The following PDE4D variants were observed in gnomAD, a reference collection of about 807,000 sequenced individuals.
The protein encoded by PDE4D is phosphodiesterase 4D, also known as 3',5'-cyclic-AMP phosphodiesterase 4D.
Under a neutral mutation model 87.4 loss-of-function variants are expected in PDE4D, and 24 were observed. That is an observed-to-expected ratio of 0.27 (90% confidence interval 0.20 to 0.39). The LOEUF is 0.39. PDE4D is among the 10% of genes least tolerant of loss of function. The probability of loss-of-function intolerance (pLI) is 1.00; values close to 1 mark genes in which losing one functional copy is unlikely to be tolerated. For missense variants in PDE4D, 714 were observed against 1,041.0 expected (o/e 0.69, Z 4.32); for synonymous variants, 384 against 383.2 (o/e 1.00, Z -0.02).
At chr5:60,027,318 A>T (rs1009769682) in intron 2 of PDE4D, among the ~76,000 whole-genome samples, 1 of 152,198 alleles carries the variant, frequency 6.6e-6, no homozygotes, top group African/African-American at 2.4e-5. Context: ...AAGTGAGAAC[A>T]TGAGGTATTT....
chr5:59,115,068 G>A (rs1164777008), intron 5 of PDE4D, among the ~76,000 whole-genome samples: 1 of 150,322 alleles, frequency 6.7e-6, no homozygotes. Context: ...AAAGAAAGAG[G>A]GAGAAGGGGC....
chr5:59,684,233 G>A (rs927346693), intron 1 of PDE4D, among the ~76,000 whole-genome samples: 2 of 151,866 alleles, frequency 1.3e-5, no homozygotes, highest in Non-Finnish European at 2.9e-5. Flanking sequence ...TCCTTCTTCT[G>A]TCTCCTCATA....
intron 1 of PDE4D, among the ~76,000 whole-genome samples, chr5:59,677,056 A>G (rs189512258): frequency 1.4e-3 from 210 of 152,194 alleles, no homozygotes; most frequent in African/African-American, 4.9e-3. Context: ...CTTTAAAAGG[A>G]AAAAAAGAGA....
intron 1 of PDE4D, among the ~76,000 whole-genome samples, chr5:59,645,905 A>T (rs567998678): frequency 6.6e-6 from 1 of 152,332 alleles, no homozygotes; most frequent in African/African-American, 2.4e-5. Context: ...AAAATGACAG[A>T]TTACAATCAA....
intron 1 of PDE4D, among the ~76,000 whole-genome samples, chr5:60,233,090 A>T (rs532428035): frequency 1.3e-5 from 2 of 151,714 alleles, no homozygotes; most frequent in Non-Finnish European, 2.9e-5. Context: ...GTGAAATCTC[A>T]TGGGAATAAG....
intron 1 of PDE4D, among the ~76,000 whole-genome samples, chr5:59,845,717 G>T (rs1248438903): frequency 6.6e-6 from 1 of 152,076 alleles, no homozygotes; most frequent in African/African-American, 2.4e-5. Flanking sequence ...TAATTCATGT[G>T]TGCATTAGCT....
At chr5:59,427,329 ACAC>A (rs1562167996) in intron 1 of PDE4D, among the ~76,000 whole-genome samples, 2 of 150,516 alleles carry the variant, frequency 1.3e-5, no homozygotes, top group African/African-American at 4.9e-5. Flanking sequence ...ACACACACAC[ACAC>A]ACACACGCCC....
At chr5:60,329,996 C>T (rs1259344412) in intron 1 of PDE4D, among the ~76,000 whole-genome samples, 10 of 152,106 alleles carry the variant, frequency 6.6e-5, no homozygotes, top group South Asian at 4.1e-4. Flanking sequence ...GTGGGCAAAA[C>T]CATTTGCTTA....
chr5:60,450,753 T>C (rs1258349643), intron 1 of PDE4D, among the ~76,000 whole-genome samples: 1 of 152,090 alleles, frequency 6.6e-6, no homozygotes, highest in Admixed American at 6.6e-5. Flanking sequence ...ATAAAGATAA[T>C]TGGCCATATA....
At chr5:59,195,732 ATAAAT>A (rs1378070820) in intron 2 of PDE4D, among the ~76,000 whole-genome samples, 8 of 152,246 alleles carry the variant, frequency 5.3e-5, no homozygotes, top group Non-Finnish European at 1.0e-4. Flanking sequence ...TTGGGATTCA[ATAAAT>A]TAATAATGTT....
chr5:59,594,610 C>G (rs966955538), intron 1 of PDE4D, among the ~76,000 whole-genome samples: 1 of 152,074 alleles, frequency 6.6e-6, no homozygotes, highest in Non-Finnish European at 1.5e-5. Flanking sequence ...GCATGAGCCA[C>G]CATGCCTGGC....
intron 9 of PDE4D, 22 bp downstream of exon 9, chr5:58,990,777 AAATGT>A (rs760691838): frequency 1.2e-5 from 14 of 1,205,300 alleles, no homozygotes; most frequent in Non-Finnish European, 1.7e-5. Context: ...TAAATAAAAT[AAATGT>A]AATAGAACTC....
At chr5:59,496,349 G>T (rs1283480432) in intron 1 of PDE4D, among the ~76,000 whole-genome samples, 1 of 152,118 alleles carries the variant, frequency 6.6e-6, no homozygotes, top group African/African-American at 2.4e-5. Flanking sequence ...GGCATGGTAG[G>T]CTAGGTTGGT....
intron 1 of PDE4D, among the ~76,000 whole-genome samples, chr5:60,363,023 G>C (rs1355095349): frequency 6.6e-6 from 1 of 152,116 alleles, no homozygotes; most frequent in African/African-American, 2.4e-5. Flanking sequence ...ATCACCGGTT[G>C]CTTATCACCT....
Position 59,075,052 on chromosome 5 carries a change from GAGA to G in PDE4D, c.809-36084_809-36082del, listed in dbSNP as rs1423754801. Among the ~76,000 whole-genome samples the G allele has an allele frequency of 4.0e-5, 6 of 148,696 alleles. 1 individual carries two copies. In the South Asian group the frequency reaches 8.6e-4, roughly 21 times the overall value. On this transcript the variant is annotated intron_variant, in intron 5 of 14. Transcript: ENST00000340635. ...TGTTGGCTCCTTGAAATGCTTTGTT[GAGA>G]AGGAGTAAAAAGCTTACAAAACACA...
At chr5:59,787,010 C>T (rs1361674468) in intron 1 of PDE4D, among the ~76,000 whole-genome samples, 1 of 152,160 alleles carries the variant, frequency 6.6e-6, no homozygotes, top group East Asian at 1.9e-4. Context: ...GGTCTCATCT[C>T]ACATAGATCT....
chr5:59,393,751 C>A (rs938071153), intron 1 of PDE4D, among the ~76,000 whole-genome samples: 1 of 152,166 alleles, frequency 6.6e-6, no homozygotes. Context: ...GGTTCAGACA[C>A]CATGCAAAAC....
chr5:59,162,957 T>C (rs75400267), intron 5 of PDE4D, among the ~76,000 whole-genome samples: 2 of 151,700 alleles, frequency 1.3e-5, no homozygotes, highest in African/African-American at 4.9e-5. Flanking sequence ...TTTTTTTTTT[T>C]CTTCGAGGCA....
chr5:59,767,787 TAC>T (rs1405686827), intron 1 of PDE4D, among the ~76,000 whole-genome samples: 1 of 152,076 alleles, frequency 6.6e-6, no homozygotes, highest in African/African-American at 2.4e-5. Flanking sequence ...ACACCACCAT[TAC>T]ACACACACTG....
Sources: allele counts gnomAD v4.1 joint callset (sites outside exome capture counted in the v4.1 genomes callset), GRCh38; gene constraint gnomAD v4.1.1; transcripts MANE v1.5; gene names NCBI Gene and HGNC (gene_info 2026-07-23, HGNC 2026-07-21).